Variants in FAM135B observed in about 807,000 individuals in gnomAD.
FAM135B encodes family with sequence similarity 135 member B.
FAM135B carries 43 observed loss-of-function variants against 127.7 expected under a neutral mutation model. That is an observed-to-expected ratio of 0.34 (90% CI 0.26 to 0.43). The LOEUF (loss-of-function observed/expected upper bound fraction) is 0.43, where lower values mean the gene tolerates loss of function less well. FAM135B is among the 20% of genes least tolerant of loss of function. The pLI is 1.00. For missense variants in FAM135B, 1,558 were observed against 1,725.6 expected (o/e 0.90, Z 1.72); for synonymous variants, 670 against 665.1 (o/e 1.01, Z -0.11).
At chr8:138,160,508 C>T (rs974496082) in intron 12 of FAM135B, among the ~76,000 whole-genome samples, 1 of 151,994 alleles carries the variant, frequency 6.6e-6, no homozygotes, top group African/African-American at 2.4e-5. Context: ...CCTGTCTCAG[C>T]CTCCCAAGTA....
At chr8:138,335,733 G>C (rs1002695985) in intron 2 of FAM135B, among the ~76,000 whole-genome samples, 4 of 152,202 alleles carry the variant, frequency 2.6e-5, no homozygotes, top group African/African-American at 7.2e-5. Context: ...CAGGAATTGA[G>C]CTCAGCTCTG....
intron 1 of FAM135B, among the ~76,000 whole-genome samples, chr8:138,391,780 A>G (rs1254639717): frequency 6.6e-6 from 1 of 152,214 alleles, no homozygotes; most frequent in Non-Finnish European, 1.5e-5. Flanking sequence ...TACAGTAGGT[A>G]TTATTATCAT....
chr8:138,213,160 T>C (rs1459346543), intron 7 of FAM135B, among the ~76,000 whole-genome samples: 1 of 152,142 alleles, frequency 6.6e-6, no homozygotes, highest in Non-Finnish European at 1.5e-5. Context: ...AGTTCCTGCC[T>C]TCATGTGAAA....
chr8:138,447,312 C>T (rs1389204057), intron 1 of FAM135B, among the ~76,000 whole-genome samples: 1 of 152,046 alleles, frequency 6.6e-6, no homozygotes, highest in African/African-American at 2.4e-5. Flanking sequence ...TGGGTATATA[C>T]CCAAAGGATT....
rs76561996 is a variant in FAM135B at position 138,244,970 on chromosome 8, T to C, written c.543-1902A>G. Among the ~76,000 whole-genome samples the C allele has an allele frequency of 2.6e-3, 400 of 152,334 alleles. 1 individual carries two copies. The highest frequency in any genetic ancestry group is 9.1e-3 in the African/African-American group (380 of 41,564). Reference sequence around the variant, plus strand: ...TAACTGATGCTGTGAAAAACTGCTTTTCTGGAAAAGCTAGTGCTTGCCCTA... The same window carrying C: ...TAACTGATGCTGTGAAAAACTGCTTCTCTGGAAAAGCTAGTGCTTGCCCTA... On this transcript the variant is annotated intron_variant, in intron 6 of 19. Transcript: ENST00000395297.
intron 3 of FAM135B, among the ~76,000 whole-genome samples, chr8:138,293,293 C>T (rs1197029993): frequency 6.6e-6 from 1 of 151,986 alleles, no homozygotes; most frequent in South Asian, 2.1e-4. Flanking sequence ...GAAATCAGAA[C>T]AATTCTTGAA....
chr8:138,422,806 TATACTC>T (rs1253647106), intron 1 of FAM135B, among the ~76,000 whole-genome samples: 6 of 152,194 alleles, frequency 3.9e-5, no homozygotes, highest in Non-Finnish European at 7.4e-5. Context: ...TAAAGACACA[TATACTC>T]ATATGTTCAC....
intron 2 of FAM135B, among the ~76,000 whole-genome samples, chr8:138,312,845 G>A (rs1027909361): frequency 1.1e-4 from 16 of 152,090 alleles, no homozygotes; most frequent in African/African-American, 3.9e-4. Flanking sequence ...GAGACCATGT[G>A]GGGAGCCTGG....
intron 2 of FAM135B, among the ~76,000 whole-genome samples, chr8:138,336,206 C>G (rs1231403292): frequency 2.0e-5 from 3 of 151,842 alleles, no homozygotes; most frequent in Non-Finnish European, 4.4e-5. Flanking sequence ...ACTAGAGAAG[C>G]AAGAGCAAAC....
intron 3 of FAM135B, among the ~76,000 whole-genome samples, chr8:138,291,212 T>C (rs1282252708): frequency 6.6e-6 from 1 of 152,164 alleles, no homozygotes; most frequent in Non-Finnish European, 1.5e-5. Flanking sequence ...TTTAGACTAA[T>C]AGAATAGCAT....
chr8:138,259,468 C>A (rs1273036254), intron 4 of FAM135B, among the ~76,000 whole-genome samples: 1 of 152,102 alleles, frequency 6.6e-6, no homozygotes, highest in Non-Finnish European at 1.5e-5. Context: ...ATCGTGTGAA[C>A]TAAAATTTAA....
At chr8:138,433,224 T>C (rs1835287726) in intron 1 of FAM135B, among the ~76,000 whole-genome samples, 1 of 152,114 alleles carries the variant, frequency 6.6e-6, no homozygotes, top group Non-Finnish European at 1.5e-5. Context: ...AATCTTCATT[T>C]AAAAAGATTA....
chr8:138,157,474 G>T (rs996213579), intron 12 of FAM135B, among the ~76,000 whole-genome samples: 1 of 152,152 alleles, frequency 6.6e-6, no homozygotes, highest in Non-Finnish European at 1.5e-5. Flanking sequence ...AATAAATAAA[G>T]GGTATTCAAT....
At chr8:138,395,573 T>C (rs1488437499) in intron 1 of FAM135B, among the ~76,000 whole-genome samples, 2 of 152,208 alleles carry the variant, frequency 1.3e-5, no homozygotes, top group Non-Finnish European at 2.9e-5. Context: ...GGGATTAATT[T>C]AGTCTTTCTA....
At chr8:138,278,228 G>T (rs62529144) in intron 3 of FAM135B, among the ~76,000 whole-genome samples, 151,748 of 151,752 alleles carry the variant, frequency 1, 75,872 homozygotes, top group Middle Eastern at 1. Flanking sequence ...ATTGACACGA[G>T]AGCTAACTGG....
At chr8:138,379,038 C>T (rs1405365673) in intron 1 of FAM135B, among the ~76,000 whole-genome samples, 1 of 152,212 alleles carries the variant, frequency 6.6e-6, no homozygotes, top group East Asian at 1.9e-4. Flanking sequence ...TCTGGTGACA[C>T]TCACTGAGAA....
At chr8:138,174,217 G>C (rs1814209307) in intron 11 of FAM135B, among the ~76,000 whole-genome samples, 1 of 152,130 alleles carries the variant, frequency 6.6e-6, no homozygotes, top group African/African-American at 2.4e-5. Context: ...CCCATTGTTT[G>C]AGAAACACAA....
At chr8:138,311,464 G>A (rs987964626) in intron 2 of FAM135B, among the ~76,000 whole-genome samples, 1 of 152,178 alleles carries the variant, frequency 6.6e-6, no homozygotes, top group Non-Finnish European at 1.5e-5. Flanking sequence ...TCAGGACAAT[G>A]TGCAGGTTCT....
chr8:138,276,467 TGATTAGGGGA>T (rs1823831710), intron 3 of FAM135B, among the ~76,000 whole-genome samples: 1 of 152,138 alleles, frequency 6.6e-6, no homozygotes, highest in African/African-American at 2.4e-5. Context: ...GAGTCACTGC[TGATTAGGGGA>T]GAACAGGTGG....
Sources: gnomAD v4.1 joint callset for allele counts (sites outside exome capture counted in the v4.1 genomes callset) on GRCh38, gnomAD v4.1.1 for gene constraint, MANE v1.5 for transcripts, NCBI Gene and HGNC (gene_info 2026-07-23, HGNC 2026-07-21) for gene names.